Variants in TOPBP1 observed in about 807,000 individuals in gnomAD.
TOPBP1 encodes DNA topoisomerase 2-binding protein 1.
TOPBP1 carries 28 observed loss-of-function variants against 167.7 expected under a neutral mutation model. The observed-to-expected ratio is 0.17, with a 90% CI of 0.12 to 0.23. TOPBP1 has a LOEUF of 0.23. Ranked by LOEUF, TOPBP1 falls within the 10% of genes least tolerant of loss-of-function variation. The pLI, the probability that TOPBP1 is intolerant of heterozygous loss-of-function variation, is 1.00. For synonymous variants in TOPBP1, 598 were observed against 611.4 expected, an observed-to-expected ratio of 0.98 and a Z score of 0.32; for missense variants, 1,554 against 1,809.6, an observed-to-expected ratio of 0.86 and a Z score of 2.56.
chr3:133,628,409 C>T lies in TOPBP1; in HGVS notation c.2757G>A (p.Lys919=), dbSNP rs999968546. The T allele has an allele frequency of 5.0e-6, 8 of 1,610,026 alleles. No homozygotes were observed. Among genetic ancestry groups the T allele is most frequent in the Non-Finnish European group, 5.9e-6 (7 of 1,178,124 alleles). The change falls in exon 16 of 28, where the codon AAG becomes AAA. Residue 919 remains lysine, a synonymous_variant. Transcript: ENST00000260810. The part of the protein sequence containing the change: ...VVCVSKKLSK[K]QSELNGIAAS... ...CTGCGATCCCATTTAGTTCACTCTGCTTCTTACTGAGTTTTTTACTAACAC... is the reference window on the plus strand; with the variant it reads ...CTGCGATCCCATTTAGTTCACTCTGTTTCTTACTGAGTTTTTTACTAACAC...
At chr3:133,653,867 G>C (rs569367017) in intron 6 of TOPBP1, among the ~76,000 whole-genome samples, 11 of 152,010 alleles carry the variant, frequency 7.2e-5, no homozygotes, top group Non-Finnish European at 1.5e-5. Context: ...CCTGACCTCA[G>C]GTGATTCGCC....
intron 5 of TOPBP1, among the ~76,000 whole-genome samples, chr3:133,656,273 C>G (rs939475570): frequency 6.6e-6 from 1 of 152,002 alleles, no homozygotes; most frequent in Non-Finnish European, 1.5e-5. Flanking sequence ...TATATTCAAC[C>G]TTACATATGC....
chr3:133,615,430 T>C (rs573241967), intron 23 of TOPBP1, among the ~76,000 whole-genome samples: 29 of 152,328 alleles, frequency 1.9e-4, no homozygotes, highest in Non-Finnish European at 3.7e-4. Context: ...TGAGCTGAGA[T>C]TGTGCCATGG....
chr3:133,604,855 G>C (rs1344784539), intron 27 of TOPBP1, among the ~76,000 whole-genome samples: 1 of 151,938 alleles, frequency 6.6e-6, no homozygotes, highest in Non-Finnish European at 1.5e-5. Flanking sequence ...GGAGGTGGAG[G>C]TTGCAGTGAG....
chr3:133,637,970 CCTA>C lies in TOPBP1; in HGVS notation c.2423_2425del (p.Val808del), dbSNP rs773420283. The C allele has an allele frequency of 2.2e-5, 35 of 1,613,816 alleles. No individual in the cohort carries two copies. The highest frequency in any genetic ancestry group is 2.5e-5 in the Non-Finnish European group (30 of 1,179,872). On this transcript the variant is annotated inframe_deletion, in exon 14 of 28. Coordinates refer to ENST00000260810, the MANE Select transcript of TOPBP1 (RefSeq NM_007027.4). Reference sequence around the variant, plus strand: ...CGAGGGCTCCTTCTGAAGTGGTTGTCCTACTGCTGGGGAGGCTGCGACCTGTCT... The same window carrying C: ...CGAGGGCTCCTTCTGAAGTGGTTGTCCTGCTGGGGAGGCTGCGACCTGTCT...
chr3:133,607,561 A>T (rs1052564493), intron 27 of TOPBP1, among the ~76,000 whole-genome samples: 1 of 152,116 alleles, frequency 6.6e-6, no homozygotes, highest in Non-Finnish European at 1.5e-5. Context: ...TCTCAAATCC[A>T]AAAGTTAGAA....
chr3:133,623,862 T>C (rs1027355380), intron 17 of TOPBP1, among the ~76,000 whole-genome samples, 190 bp downstream of exon 17: 2 of 152,218 alleles, frequency 1.3e-5, no homozygotes. Context: ...CATTAAAGAT[T>C]TGTTAAGTAT....
At chr3:133,618,733 A>G (rs1361347545) in intron 20 of TOPBP1, among the ~76,000 whole-genome samples, 2 of 152,358 alleles carry the variant, frequency 1.3e-5, no homozygotes, top group Admixed American at 6.5e-5. Context: ...TAAAAATACT[A>G]AAGTAATTGG....
At chr3:133,617,050 A>T in intron 22 of TOPBP1, 110 bp downstream of exon 22, 1 of 1,407,786 alleles carries the variant, frequency 7.1e-7, no homozygotes, top group Non-Finnish European at 9.5e-7. Flanking sequence ...TACAATGCAA[A>T]AAATAGTTTT....
At chr3:133,651,171 CTT>C (rs1176625452) in intron 8 of TOPBP1, among the ~76,000 whole-genome samples, 3,183 of 82,178 alleles carry the variant, frequency 0.039, 67 homozygotes, top group African/African-American at 0.071. Context: ...CCGAATTTCC[CTT>C]TTTTTTTTTT....
At position 133,611,537 on chromosome 3, in the gene TOPBP1, C is replaced by T. The variant is rs75716215; in HGVS notation, c.4036-396G>A. ...TCTGTCTATGTAGTAAAGATGAAAG[C>T]TTACAATGAGATAATCTTGAAACTT... On this transcript the variant is annotated intron_variant, in intron 24 of 27. Coordinates refer to ENST00000260810, the MANE Select transcript of TOPBP1 (RefSeq NM_007027.4). Among the ~76,000 whole-genome samples, 1,411 of 152,228 alleles carry T rather than the reference C, an allele frequency of 9.3e-3. 9 individuals are homozygous for T. Among genetic ancestry groups the T allele is most frequent in the Non-Finnish European group, 0.016 (1,082 of 68,016 alleles).
At chr3:133,642,449 T>A (rs748000473) in intron 12 of TOPBP1, among the ~76,000 whole-genome samples, 5 of 152,218 alleles carry the variant, frequency 3.3e-5, no homozygotes, top group Non-Finnish European at 7.3e-5. Flanking sequence ...AGACACTGGA[T>A]CATTTATGCC....
At chr3:133,656,386 T>C (rs1936479935) in intron 5 of TOPBP1, among the ~76,000 whole-genome samples, 1 of 152,144 alleles carries the variant, frequency 6.6e-6, no homozygotes, top group Admixed American at 6.5e-5. Context: ...GCTACAGAAT[T>C]GCCAAACTCG....
In TOPBP1 at chr3:133,659,115, C is replaced by T; in HGVS notation, c.120G>A (p.Gln40=). Residue 40 remains glutamine (Q), a synonymous_variant, in exon 3 of 28, where the codon CAG becomes CAA. Coordinates refer to ENST00000260810, the MANE Select transcript of TOPBP1 (RefSeq NM_007027.4). ...IKEFQSEEYL[Q]IITEEEALKI... is the part of the protein sequence containing the mutation. The stretch of plus-strand genomic sequence containing the variant: ...TCAATGCCTCTTCTTCTGTAATAAT[C>T]TGAAGATATTCTTCTGATTGGAATT... 4.4e-6 allele frequency: 7 copies of T among 1,583,110 alleles called. No homozygotes were observed. Among genetic ancestry groups the T allele is most frequent in the Non-Finnish European group, 6.0e-6 (7 of 1,164,384 alleles).
chr3:133,645,822 A>C (rs1267709936), intron 10 of TOPBP1, among the ~76,000 whole-genome samples: 1 of 152,194 alleles, frequency 6.6e-6, no homozygotes, highest in African/African-American at 2.4e-5. Context: ...CCAAAAGCCT[A>C]AGAGATACTA....
intron 25 of TOPBP1, among the ~76,000 whole-genome samples, chr3:133,610,771 T>C (rs1457679160): frequency 6.6e-6 from 1 of 152,174 alleles, no homozygotes; most frequent in African/African-American, 2.4e-5. Context: ...AGAAGGTCTG[T>C]GGACTCAGGT....
intron 4 of TOPBP1, among the ~76,000 whole-genome samples, chr3:133,657,425 A>T (rs1936515732): frequency 6.7e-6 from 1 of 148,674 alleles, no homozygotes; most frequent in Non-Finnish European, 1.5e-5. Context: ...TCTGTCACCC[A>T]GGCTGCAGTG....
intron 1 of TOPBP1, among the ~76,000 whole-genome samples, chr3:133,661,486 G>A (rs1027446474): frequency 6.6e-6 from 1 of 152,202 alleles, no homozygotes; most frequent in Admixed American, 6.5e-5. Flanking sequence ...CACGGCCTGC[G>A]AGGTACGTTC....
At chr3:133,624,380 T>C (rs1042020288) in intron 16 of TOPBP1, among the ~76,000 whole-genome samples, 9 of 152,116 alleles carry the variant, frequency 5.9e-5, no homozygotes, top group African/African-American at 2.2e-4. Context: ...AGGAGGACAC[T>C]TGAGGCCAGG....
Sources: gnomAD v4.1 joint callset for allele counts (sites outside exome capture counted in the v4.1 genomes callset) on GRCh38, gnomAD v4.1.1 for gene constraint, MANE v1.5 for transcripts, NCBI Gene and HGNC (gene_info 2026-07-23, HGNC 2026-07-21) for gene names.